Variants in ADAM2 observed in about 807,000 individuals in gnomAD.
The protein encoded by ADAM2 is disintegrin and metalloproteinase domain-containing protein 2.
In ADAM2, 101 loss-of-function variants were observed where a neutral mutation model predicts 99.3. The observed-to-expected ratio is 1.02, with a 90% CI of 0.87 to 1.20. The LOEUF (loss-of-function observed/expected upper bound fraction) is 1.20, where lower values mean the gene tolerates loss of function less well. ADAM2 is among the 50% of genes most tolerant of loss of function. The pLI, the probability that ADAM2 is intolerant of heterozygous loss-of-function variation, is 0.00. For synonymous variants in ADAM2, 323 were observed against 287.6 expected (o/e 1.12, Z -1.25); for missense variants, 948 against 878.7 (o/e 1.08, Z -1.00).
intron 11 of ADAM2, among the ~76,000 whole-genome samples, chr8:39,773,637 T>A (rs949916196): frequency 6.6e-6 from 1 of 151,660 alleles, no homozygotes; most frequent in Non-Finnish European, 1.5e-5. Flanking sequence ...TTATGAAAAA[T>A]TAATCAATTT....
chr8:39,768,863 G>T (rs1292154161), intron 12 of ADAM2, among the ~76,000 whole-genome samples: 1 of 152,076 alleles, frequency 6.6e-6, no homozygotes, highest in Non-Finnish European at 1.5e-5. Context: ...TAAAATTTCA[G>T]TTCTGCAAGA....
intron 7 of ADAM2, among the ~76,000 whole-genome samples, chr8:39,806,928 TG>T (rs1223164822): frequency 6.6e-6 from 1 of 152,102 alleles, no homozygotes; most frequent in Non-Finnish European, 1.5e-5. Flanking sequence ...TTTGACAGGA[TG>T]GAACGATACA....
At chr8:39,806,875 T>C (rs1452874711) in intron 7 of ADAM2, among the ~76,000 whole-genome samples, 1 of 152,110 alleles carries the variant, frequency 6.6e-6, no homozygotes, top group Non-Finnish European at 1.5e-5. Context: ...CTGAAAGGGA[T>C]AGAGACAGGA....
chr8:39,807,526 T>C (rs1050780252), intron 7 of ADAM2, among the ~76,000 whole-genome samples: 4 of 152,118 alleles, frequency 2.6e-5, no homozygotes, highest in African/African-American at 9.7e-5. Flanking sequence ...TGTAACAGTA[T>C]TTGGAAATGG....
intron 11 of ADAM2, among the ~76,000 whole-genome samples, chr8:39,775,393 A>C (rs981933092): frequency 3.9e-5 from 6 of 152,122 alleles, no homozygotes; most frequent in Non-Finnish European, 8.8e-5. Context: ...GTTTTATAGC[A>C]TCTAGATCGT....
intron 9 of ADAM2, among the ~76,000 whole-genome samples, chr8:39,787,281 T>C (rs1430012796): frequency 6.6e-6 from 1 of 151,468 alleles, no homozygotes; most frequent in East Asian, 1.9e-4. Flanking sequence ...AAAGATTCAT[T>C]TTATGTAGAT....
intron 3 of ADAM2, among the ~76,000 whole-genome samples, chr8:39,830,733 G>T (rs1221514140): frequency 1.3e-5 from 2 of 151,770 alleles, no homozygotes; most frequent in Non-Finnish European, 2.9e-5. Context: ...TAAATGAAAG[G>T]AATAGAGCTA....
intron 6 of ADAM2, among the ~76,000 whole-genome samples, chr8:39,809,779 G>A (rs1804615693): frequency 6.6e-6 from 1 of 151,974 alleles, no homozygotes; most frequent in Non-Finnish European, 1.5e-5. Flanking sequence ...GCTCCTGAAG[G>A]AAGCACTAAA....
intron 2 of ADAM2, among the ~76,000 whole-genome samples, chr8:39,834,869 C>G (rs1265061667): frequency 6.6e-6 from 1 of 150,840 alleles, no homozygotes; most frequent in East Asian, 2.0e-4. Flanking sequence ...AGTTTTTAAC[C>G]AAGAAAGGAT....
intron 11 of ADAM2, among the ~76,000 whole-genome samples, chr8:39,776,572 C>T (rs928847038): frequency 1.3e-5 from 2 of 151,984 alleles, no homozygotes; most frequent in Non-Finnish European, 2.9e-5. Flanking sequence ...ATCGTTGAGG[C>T]CTGATTAGAA....
chr8:39,817,365 G>A (rs1304202678), intron 6 of ADAM2, among the ~76,000 whole-genome samples: 1 of 152,026 alleles, frequency 6.6e-6, no homozygotes, highest in African/African-American at 2.4e-5. Context: ...GGGAAAGGTT[G>A]GCTATTGGTT....
intron 14 of ADAM2, among the ~76,000 whole-genome samples, chr8:39,766,580 G>C (rs547976159): frequency 1.3e-5 from 2 of 151,738 alleles, no homozygotes; most frequent in South Asian, 4.2e-4. Flanking sequence ...GCTAATTTTT[G>C]TATTTTTAGT....
intron 10 of ADAM2, among the ~76,000 whole-genome samples, chr8:39,779,728 G>T (rs1177889262): frequency 4.6e-5 from 7 of 152,060 alleles, no homozygotes; most frequent in African/African-American, 1.7e-4. Context: ...CATTTATTAG[G>T]CTTCTTATAT....
At position 39,815,065 on chromosome 8, in the gene ADAM2, C is replaced by T. The variant is rs951535650; in HGVS notation, c.514-5599G>A. 2.8e-4 allele frequency among the ~76,000 whole-genome samples: 42 copies of T among 151,928 alleles called. 1 individual carries two copies. The highest frequency in any genetic ancestry group is 5.4e-4 in the Non-Finnish European group (37 of 67,934). ...AAATGTATCTCAATATTTCAAAAAGCCAATTTAACAATGGATCACCACTGA... is the reference window on the plus strand; with the variant it reads ...AAATGTATCTCAATATTTCAAAAAGTCAATTTAACAATGGATCACCACTGA... On this transcript the variant is annotated intron_variant, in intron 6 of 20. Transcript: ENST00000265708.
chr8:39,781,049 C>T (rs1183209935), intron 10 of ADAM2, among the ~76,000 whole-genome samples: 3 of 151,102 alleles, frequency 2.0e-5, no homozygotes, highest in Non-Finnish European at 4.4e-5. Flanking sequence ...CGCACTCTCG[C>T]CCAGGCTGGA....
chr8:39,834,908 G>T (rs549634340), intron 2 of ADAM2, among the ~76,000 whole-genome samples: 1 of 152,024 alleles, frequency 6.6e-6, no homozygotes, highest in East Asian at 1.9e-4. Flanking sequence ...CTTTTTCTGG[G>T]TCTCCTGGTG....
chr8:39,809,200 C>T lies in ADAM2; in HGVS notation c.570+210G>A, dbSNP rs1377631690. Among the ~76,000 whole-genome samples the T allele has an allele frequency of 2.6e-5, 4 of 151,962 alleles. No individual in the cohort carries two copies. In the East Asian group the frequency reaches 7.7e-4, roughly 29 times the overall value. Reference sequence around the variant, plus strand: ...TATTTGTAAACTATTATAGAGGTAGCAATTATTTTCTTTATGTTGCTATTT... The same window carrying T: ...TATTTGTAAACTATTATAGAGGTAGTAATTATTTTCTTTATGTTGCTATTT... On this transcript the variant is annotated intron_variant, in intron 7 of 20. Coordinates refer to ENST00000265708, the MANE Select transcript of ADAM2 (RefSeq NM_001464.5).
At chr8:39,827,709 G>T (rs917477098) in intron 3 of ADAM2, among the ~76,000 whole-genome samples, 3 of 152,118 alleles carry the variant, frequency 2.0e-5, no homozygotes, top group African/African-American at 7.2e-5. Context: ...AGAGTAGAAT[G>T]ATGGTTTTTA....
intron 6 of ADAM2, among the ~76,000 whole-genome samples, chr8:39,816,423 C>G (rs1230947661): frequency 6.6e-6 from 1 of 152,174 alleles, no homozygotes; most frequent in African/African-American, 2.4e-5. Flanking sequence ...AGGTGAAACA[C>G]AGAGTCTGCG....
Sources: allele counts gnomAD v4.1 joint callset (sites outside exome capture counted in the v4.1 genomes callset), GRCh38; gene constraint gnomAD v4.1.1; transcripts MANE v1.5; gene names NCBI Gene and HGNC (gene_info 2026-07-23, HGNC 2026-07-21).